The following DYSF variants were observed in gnomAD, a reference collection of about 807,000 sequenced individuals.
DYSF encodes the protein dystrophy-associated fer-1-like 1.
Under a neutral mutation model 274.9 loss-of-function variants are expected in DYSF, and 212 were observed. The observed-to-expected ratio is 0.77, with a 90% CI of 0.69 to 0.86. The LOEUF (loss-of-function observed/expected upper bound fraction) is 0.86, where lower values mean the gene tolerates loss of function less well. Among genes scored for constraint, DYSF ranks in the 40% least tolerant of loss-of-function variants. The pLI is 0.00. For synonymous variants in DYSF, 1,091 were observed against 1,078.7 expected (o/e 1.01, Z -0.22); for missense variants, 2,666 against 2,783.2 (o/e 0.96, Z 0.95).
At position 71,528,338 on chromosome 2, in the gene DYSF, C is replaced by A. The variant is rs1267921215; in HGVS notation, c.1317C>A (p.Gly439=). 6.2e-7 allele frequency: 1 copy of A among 1,614,170 alleles called. No individual in the cohort carries two copies. Among genetic ancestry groups the A allele is most frequent in the Non-Finnish European group, 8.5e-7 (1 of 1,180,008 alleles). The change falls in exon 14 of 56, where the codon GGC becomes GGA. Residue 439 remains glycine (G), a synonymous_variant. Coordinates refer to ENST00000410020, the MANE Select transcript of DYSF (RefSeq NM_001130987.2). ...AVMDNVKQIF[G]FESNKKNLVD... ...TGGACAACGTGAAACAGATCTTTGG[C>A]TTCGAGAGTAACAAGAAGAACTTGG...
rs376358025 is a variant in DYSF at position 71,535,046 on chromosome 2, C to T, written c.1406C>T (p.Thr469Met). Residue 469 changes from threonine (T) to methionine (M), a missense_variant, in exon 15 of 56, where the codon ACG becomes ATG. By Grantham distance (81) the Thr-to-Met change is moderately conservative. This residue lies in a region of DYSF where 794 missense variants were observed against 777.1 expected (regional missense o/e 1.02). Coordinates refer to ENST00000410020, the MANE Select transcript of DYSF (RefSeq NM_001130987.2). ...CTGTGCAGCAAGATCTTGGAGAAGA[C>T]GGCCAACCCTCAGTGGAACCAGAAC... ...KMLCSKILEK[T>M]ANPQWNQNIT... The T allele has an allele frequency of 5.9e-5, 95 of 1,614,020 alleles. No homozygotes were observed. The highest frequency in any genetic ancestry group is 3.7e-4 in the African/African-American group (28 of 74,896).
At chr2:71,520,057 T>C in intron 10 of DYSF, 121 bp from the exon 11 acceptor site, 1 of 1,110,128 alleles carries the variant, frequency 9.0e-7, no homozygotes, top group South Asian at 1.2e-5. Context: ...AAATGTTGAC[T>C]GCCTGTGTTT....
chr2:71,578,891 C>T (rs952376019), intron 30 of DYSF, among the ~76,000 whole-genome samples: 3 of 152,220 alleles, frequency 2.0e-5, no homozygotes, highest in South Asian at 2.1e-4. Context: ...TTCCACGGAG[C>T]GGGAGGCCCT....
At chr2:71,518,180 G>A (rs116090401) in intron 10 of DYSF, among the ~76,000 whole-genome samples, 242 of 152,192 alleles carry the variant, frequency 1.6e-3, no homozygotes, top group African/African-American at 5.6e-3. Flanking sequence ...TCTGAGAACC[G>A]AGAGCCAATG....
intron 33 of DYSF, among the ~76,000 whole-genome samples, chr2:71,599,605 G>T (rs2093493565): frequency 6.6e-6 from 1 of 152,222 alleles, no homozygotes; most frequent in South Asian, 2.1e-4. Flanking sequence ...CAGGGGAGCA[G>T]GAGAGTGCTG....
intron 3 of DYSF, among the ~76,000 whole-genome samples, chr2:71,488,473 C>T (rs2152692370): frequency 6.6e-6 from 1 of 152,274 alleles, no homozygotes; most frequent in African/African-American, 2.4e-5. Flanking sequence ...CCAGGCCTAA[C>T]CGGTCCCCAA....
At chr2:71,563,236 G>C (rs1487674809) in intron 23 of DYSF, among the ~76,000 whole-genome samples, 1 of 152,230 alleles carries the variant, frequency 6.6e-6, no homozygotes, top group East Asian at 1.9e-4. Flanking sequence ...AGCTCTCAAA[G>C]CCTGAATTTC....
intron 1 of DYSF, among the ~76,000 whole-genome samples, chr2:71,468,549 C>T (rs1366329883): frequency 6.6e-6 from 1 of 152,182 alleles, no homozygotes; most frequent in Non-Finnish European, 1.5e-5. Context: ...CTATCTCCCC[C>T]CAGATCTCTG....
At chr2:71,494,706 G>C (rs2084201580) in intron 3 of DYSF, among the ~76,000 whole-genome samples, 1 of 152,200 alleles carries the variant, frequency 6.6e-6, no homozygotes. Context: ...CTCACCCCTT[G>C]GCTCAGGGCC....
chr2:71,561,788 C>A lies in DYSF; in HGVS notation c.2253C>A (p.Ala751=). The A allele has an allele frequency of 6.2e-7, 1 of 1,614,182 alleles. No individual in the cohort carries two copies. Among genetic ancestry groups the A allele is most frequent in the East Asian group, 2.2e-5 (1 of 44,870 alleles). Residue 751 remains alanine, a synonymous_variant, in exon 23 of 56, where the codon GCC becomes GCA. Coordinates refer to ENST00000410020, the MANE Select transcript of DYSF (RefSeq NM_001130987.2). The stretch of plus-strand genomic sequence containing the variant: ...GTGACATCCATGAGACACCCTCTGC[C>A]ACCCACCTGGACCAGTACCTGTACC... ...PLGDIHETPS[A]THLDQYLYQL... is the part of the protein sequence containing the mutation.
chr2:71,617,966 A>G (rs2093945840), intron 40 of DYSF, among the ~76,000 whole-genome samples: 2 of 102,262 alleles, frequency 2.0e-5, no homozygotes, highest in African/African-American at 7.7e-5. Context: ...TGTGTTTGGT[A>G]GAGGTGTTTG....
chr2:71,566,721 G>A (rs1025589456), intron 24 of DYSF, among the ~76,000 whole-genome samples: 13 of 152,270 alleles, frequency 8.5e-5, no homozygotes, highest in African/African-American at 1.4e-4. Flanking sequence ...TTAACCACCC[G>A]GGGGAGAGGA....
chr2:71,548,312 A>G (rs2090643201), intron 17 of DYSF, among the ~76,000 whole-genome samples: 1 of 151,908 alleles, frequency 6.6e-6, no homozygotes, highest in African/African-American at 2.4e-5. Context: ...GTTTTCCTCA[A>G]CCCTTGACTT....
At chr2:71,671,420 A>G (rs1385800472) in intron 51 of DYSF, among the ~76,000 whole-genome samples, 2 of 152,222 alleles carry the variant, frequency 1.3e-5, no homozygotes, top group African/African-American at 4.8e-5. Context: ...AGACAGAGGG[A>G]GAGGGGGCCT....
chr2:71,566,165 T>G (rs2152808682), intron 24 of DYSF, among the ~76,000 whole-genome samples: 1 of 145,842 alleles, frequency 6.9e-6, no homozygotes, highest in East Asian at 2.1e-4. Flanking sequence ...GGAAAGGAAG[T>G]CAAGGAGTGG....
chr2:71,496,592 G>A (rs1402969946), intron 3 of DYSF, among the ~76,000 whole-genome samples: 2 of 152,092 alleles, frequency 1.3e-5, no homozygotes, highest in Non-Finnish European at 2.9e-5. Context: ...CTGGAACCTG[G>A]CCCTATGGTG....
intron 22 of DYSF, among the ~76,000 whole-genome samples, chr2:71,559,665 A>ATGT (rs1298763399): frequency 3.3e-5 from 5 of 152,100 alleles, no homozygotes; most frequent in Admixed American, 6.6e-5. Flanking sequence ...CTGCTCCATC[A>ATGT]GCCAGGACGC....
intron 30 of DYSF, among the ~76,000 whole-genome samples, chr2:71,583,947 A>C (rs1010431393): frequency 1.3e-5 from 2 of 152,182 alleles, no homozygotes; most frequent in Middle Eastern, 3.2e-3. Context: ...AGGCTCCTCC[A>C]GGGAGCCGTG....
At chr2:71,644,763 G>C (rs1467357475) in intron 42 of DYSF, among the ~76,000 whole-genome samples, 1 of 152,216 alleles carries the variant, frequency 6.6e-6, no homozygotes, top group African/African-American at 2.4e-5. Context: ...CTCCTTAAAG[G>C]AGTTGCATGG....
Sources: allele counts gnomAD v4.1 joint callset (sites outside exome capture counted in the v4.1 genomes callset), GRCh38; gene constraint gnomAD v4.1.1; regional missense constraint gnomAD v4.1.1; transcripts MANE v1.5; gene names NCBI Gene and HGNC (gene_info 2026-07-23, HGNC 2026-07-21).